Variants in TBC1D5 observed in about 807,000 individuals in gnomAD.
The protein encoded by TBC1D5 is TBC1 domain family member 5.
Under a neutral mutation model 100.3 loss-of-function variants are expected in TBC1D5, and 75 were observed. The ratio of observed to expected loss-of-function variants is 0.75; its 90% CI spans 0.62 to 0.91. The LOEUF (loss-of-function observed/expected upper bound fraction) is 0.91, where lower values mean the gene tolerates loss of function less well. TBC1D5 is among the 40% of genes least tolerant of loss of function. The pLI, the probability that TBC1D5 is intolerant of heterozygous loss-of-function variation, is 0.00. For missense variants in TBC1D5, 910 were observed against 942.4 expected, an observed-to-expected ratio of 0.97 and a Z score of 0.45; for synonymous variants, 323 against 325.6, an observed-to-expected ratio of 0.99 and a Z score of 0.09.
In TBC1D5 at chr3:17,367,102, T is replaced by C. The variant is rs570157883; in HGVS notation, c.995+4973A>G. ...CCACAGATGCCTATTATGTACTCTA[T>C]TGATATCAAAGTATAAAATACAGTA... On this transcript the variant is annotated intron_variant, in intron 13 of 21. Coordinates refer to ENST00000253692, the Ensembl canonical transcript of TBC1D5. Among the ~76,000 whole-genome samples the C allele has an allele frequency of 3.4e-4, 52 of 152,314 alleles. 1 individual carries two copies. In the South Asian group the frequency reaches 9.7e-3, roughly 29 times the overall value.
rs540393673 is a variant in TBC1D5, at chr3:17,669,972, G to A, written c.-100-46059C>T. ...GCGATCTCGGCTCACTGCAACCTCC[G>A]CCTCCCGGGTTCAAGAGATTCTCCT... On this transcript the variant is annotated intron_variant, in intron 1 of 21. Coordinates refer to ENST00000253692, the Ensembl canonical transcript of TBC1D5. 2.6e-5 allele frequency among the ~76,000 whole-genome samples: 4 copies of A among 152,246 alleles called. No individual in the cohort carries two copies. The East Asian group carries it at 5.8e-4, about 22-fold the overall frequency.
chr3:17,258,507 G>C, exon 16 of TBC1D5: 1 of 1,609,814 alleles, frequency 6.2e-7, no homozygotes, highest in Non-Finnish European at 8.5e-7. Context: ...GGGACTTACC[G>C]GCTTTTATTC....
At chr3:17,192,385 A>T (rs943007182) in intron 18 of TBC1D5, among the ~76,000 whole-genome samples, 1 of 152,106 alleles carries the variant, frequency 6.6e-6, no homozygotes, top group African/African-American at 2.4e-5. Context: ...AAGGTAAATA[A>T]TTAGCATATT....
intron 8 of TBC1D5, among the ~76,000 whole-genome samples, chr3:17,391,694 C>T (rs561218821): frequency 1.4e-4 from 21 of 151,856 alleles, no homozygotes; most frequent in African/African-American, 5.1e-4. Flanking sequence ...AGACAATCTG[C>T]AAAGAGGCGC....
intron 2 of TBC1D5, among the ~76,000 whole-genome samples, chr3:17,512,727 T>A (rs2095927455): frequency 6.6e-6 from 1 of 152,208 alleles, no homozygotes; most frequent in African/African-American, 2.4e-5. Context: ...CAATTTCTCC[T>A]ATTCACATGA....
chr3:17,381,379 A>G (rs1183110895), intron 9 of TBC1D5, among the ~76,000 whole-genome samples: 38 of 152,056 alleles, frequency 2.5e-4, no homozygotes, highest in Admixed American at 2.5e-3. Context: ...TCCTGATTTG[A>G]TTCACTATCA....
At chr3:17,230,588 T>C (rs765384770) in intron 17 of TBC1D5, among the ~76,000 whole-genome samples, 2 of 151,564 alleles carry the variant, frequency 1.3e-5, no homozygotes, top group Non-Finnish European at 2.9e-5. Flanking sequence ...GGACAGGAAG[T>C]TTTTTTTTAA....
chr3:17,567,807 C>T (rs1435774449), intron 2 of TBC1D5, among the ~76,000 whole-genome samples: 3 of 151,646 alleles, frequency 2.0e-5, no homozygotes, highest in Non-Finnish European at 4.4e-5. Context: ...AGTCTTCAGT[C>T]TTTGATGCTT....
intron 15 of TBC1D5, among the ~76,000 whole-genome samples, chr3:17,285,502 C>T (rs540366333): frequency 9.9e-5 from 15 of 151,844 alleles, no homozygotes; most frequent in South Asian, 2.1e-4. Context: ...CCTCGTGATC[C>T]GCCCGCCTCG....
intron 2 of TBC1D5, among the ~76,000 whole-genome samples, chr3:17,548,315 AAAAC>A (rs751174263): frequency 1.3e-4 from 20 of 152,284 alleles, no homozygotes; most frequent in Middle Eastern, 3.4e-3. Flanking sequence ...CTCGGTCTCA[AAAAC>A]AAACAAACAA....
At chr3:17,617,564 T>C (rs2062279076) in intron 2 of TBC1D5, among the ~76,000 whole-genome samples, 2 of 152,204 alleles carry the variant, frequency 1.3e-5, no homozygotes, top group Admixed American at 1.3e-4. Flanking sequence ...TTGCACACAG[T>C]CCCATATTTC....
chr3:17,325,781 A>AT lies in TBC1D5; in HGVS notation c.996-17648dup, dbSNP rs554987631. On this transcript the variant is annotated intron_variant, in intron 13 of 21. Coordinates refer to ENST00000253692, the Ensembl canonical transcript of TBC1D5. ...GAGGGAATGACTACAAAGGAGCATA[A>AT]TAAAAATTCTGAAGTGCAGGAACAG... is the stretch of plus-strand genomic sequence containing the variant. Among the ~76,000 whole-genome samples the AT allele has an allele frequency of 5.9e-5, 9 of 152,340 alleles. No homozygotes were observed. The East Asian group carries it at 1.7e-3, about 29-fold the overall frequency.
At chr3:17,613,508 T>A (rs1198095086) in intron 2 of TBC1D5, among the ~76,000 whole-genome samples, 5 of 152,218 alleles carry the variant, frequency 3.3e-5, no homozygotes, top group Non-Finnish European at 5.9e-5. Flanking sequence ...ATCAACAGTG[T>A]AAAAGTGTTC....
At chr3:17,572,981 G>T (rs1004892879) in intron 2 of TBC1D5, among the ~76,000 whole-genome samples, 1 of 152,036 alleles carries the variant, frequency 6.6e-6, no homozygotes, top group Non-Finnish European at 1.5e-5. Flanking sequence ...GAAATGCTTA[G>T]CAAATAATTT....
chr3:17,603,719 G>A (rs747581432), intron 2 of TBC1D5, among the ~76,000 whole-genome samples: 1 of 152,060 alleles, frequency 6.6e-6, no homozygotes, highest in Non-Finnish European at 1.5e-5. Context: ...AGGCTGGAGT[G>A]CAGTGGCGCA....
chr3:17,659,077 G>A (rs2066398191), intron 1 of TBC1D5, among the ~76,000 whole-genome samples: 1 of 152,156 alleles, frequency 6.6e-6, no homozygotes, highest in African/African-American at 2.4e-5. Context: ...CATGACTGAG[G>A]ATCACCATTG....
chr3:17,623,032 G>A (rs1370221850), intron 2 of TBC1D5, among the ~76,000 whole-genome samples: 1 of 152,166 alleles, frequency 6.6e-6, no homozygotes, highest in Non-Finnish European at 1.5e-5. Flanking sequence ...ATTCTGGTGT[G>A]AGTTTCCACT....
chr3:17,440,711 G>A (rs561743010), intron 3 of TBC1D5, among the ~76,000 whole-genome samples: 30 of 152,116 alleles, frequency 2.0e-4, no homozygotes, highest in Admixed American at 1.4e-3. Context: ...GCATGTTCTC[G>A]GCTTACTGCA....
intron 3 of TBC1D5, among the ~76,000 whole-genome samples, chr3:17,460,968 T>C (rs1180365622): frequency 6.6e-6 from 1 of 152,186 alleles, no homozygotes; most frequent in Non-Finnish European, 1.5e-5. Context: ...CAGACTAATA[T>C]AGAAGTCTTG....
Sources: allele counts gnomAD v4.1 joint callset (sites outside exome capture counted in the v4.1 genomes callset), GRCh38; gene constraint gnomAD v4.1.1; transcripts MANE v1.5; gene names NCBI Gene and HGNC (gene_info 2026-07-23, HGNC 2026-07-21).